ARFGEF1: variants seen among roughly 807,000 people sequenced by gnomAD.
ARFGEF1 encodes brefeldin A-inhibited guanine nucleotide-exchange protein 1.
Under a neutral mutation model 231.0 loss-of-function variants are expected in ARFGEF1, and 42 were observed. The observed-to-expected ratio is 0.18, with a 90% CI of 0.14 to 0.24. The LOEUF (loss-of-function observed/expected upper bound fraction) is 0.24, where lower values mean the gene tolerates loss of function less well. ARFGEF1 is among the 10% of genes least tolerant of loss of function. ARFGEF1 has a pLI of 1.00. For missense variants in ARFGEF1, 1,345 were observed against 2,192.0 expected (o/e 0.61, Z 7.72); for synonymous variants, 710 against 732.3 (o/e 0.97, Z 0.49).
chr8:67,202,688 G>C (rs769383630), intron 36 of ARFGEF1, among the ~76,000 whole-genome samples: 15 of 152,122 alleles, frequency 9.9e-5, no homozygotes, highest in Non-Finnish European at 1.9e-4. Flanking sequence ...TTCACTCTGA[G>C]CTCTGGCCAC....
intron 22 of ARFGEF1, among the ~76,000 whole-genome samples, chr8:67,233,249 A>G (rs1399734793): frequency 6.6e-6 from 1 of 151,962 alleles, no homozygotes; most frequent in Non-Finnish European, 1.5e-5. Flanking sequence ...TTAATGTTTA[A>G]AGAAATGCAG....
At chr8:67,237,027 T>C (rs978674605) in intron 22 of ARFGEF1, among the ~76,000 whole-genome samples, 1 of 152,230 alleles carries the variant, frequency 6.6e-6, no homozygotes, top group Admixed American at 6.5e-5. Flanking sequence ...GTAGTCCTAC[T>C]TGCCAAAACT....
intron 14 of ARFGEF1, 127 bp downstream of exon 14, chr8:67,265,879 C>T (rs1366772954): frequency 1.3e-5 from 11 of 843,482 alleles, no homozygotes; most frequent in African/African-American, 5.1e-5. Flanking sequence ...ATAGGAGCCT[C>T]GTGAATTAGA....
At position 67,228,045 on chromosome 8, in the gene ARFGEF1, A is replaced by G; in HGVS notation, c.3509T>C (p.Val1170Ala). ...HPRMFSLQKIVEISYYNMGRI... is the reference protein window; with the variant it reads ...HPRMFSLQKIAEISYYNMGRI... ...TCCCATGTTGTAATATGATATTTCT[A>G]CTATTTTTTGTAGACTAAACATTCT... The change falls in exon 25 of 39, where the codon GTA becomes GCA. Residue 1170 changes from valine (V) to alanine (A), a missense_variant. By Grantham distance (64) the Val-to-Ala change is moderately conservative. This residue lies in a region of ARFGEF1 where 146 missense variants were observed against 321.4 expected (regional missense o/e 0.45). Transcript: ENST00000262215. The G allele has an allele frequency of 6.2e-7, 1 of 1,608,234 alleles. No individual in the cohort carries two copies. The highest frequency in any genetic ancestry group is 1.1e-5 in the South Asian group (1 of 89,808).
chr8:67,251,416 A>G lies in ARFGEF1; in HGVS notation c.2733T>C (p.Tyr911=). Residue 911 remains tyrosine (Y), a synonymous_variant, in exon 19 of 39, where the codon TAT becomes TAC. Coordinates refer to ENST00000262215, the MANE Select transcript of ARFGEF1 (RefSeq NM_006421.5). ...TGGCCATCTGCTCCATTTCTAAGTT[A>G]TACAGAAGTCTTCTTTGTTTTTCAC... ...VASEKQRRLL[Y]NLEMEQMAKT... The G allele has an allele frequency of 6.2e-7, 1 of 1,609,080 alleles. No individual in the cohort carries two copies. Among genetic ancestry groups the G allele is most frequent in the Non-Finnish European group, 8.5e-7 (1 of 1,177,350 alleles).
At chr8:67,179,912 A>G in intron 5 of ARFGEF1, 1 of 1,572,332 alleles carries the variant, frequency 6.4e-7, no homozygotes, top group South Asian at 1.1e-5. Flanking sequence ...TTGGAATCTG[A>G]TAGTGCTTTT....
In ARFGEF1 at chr8:67,258,321, TTTTC is replaced by T. The variant is rs775641720; in HGVS notation, c.2236-35_2236-32del. ...GTAAAAACAGAGATAGAAATTGATATTTTCTTTCTTTTTTTTTTTTTTGAGACAG... is the reference window on the plus strand; with the variant it reads ...GTAAAAACAGAGATAGAAATTGATATTTTCTTTTTTTTTTTTTTGAGACAG... On this transcript the variant is annotated intron_variant, in intron 15 of 38. Transcript: ENST00000262215. 2.6e-5 allele frequency: 38 copies of T among 1,448,950 alleles called. No individual in the cohort carries two copies. The South Asian group carries it at 3.5e-4, about 13-fold the overall frequency. The allele number at this position is 1,448,950 out of a possible 1,614,324, so 89.8% of individuals were successfully genotyped here.
At position 67,211,594 on chromosome 8, in the gene ARFGEF1, C is replaced by T. The variant is rs1292257643; in HGVS notation, c.4708G>A (p.Val1570Ile). 1 of 1,519,342 alleles carries T rather than the reference C, an allele frequency of 6.6e-7. No individual in the cohort carries two copies. Among genetic ancestry groups the T allele is most frequent in the Non-Finnish European group, 8.9e-7 (1 of 1,124,418 alleles). 94.1% of individuals were successfully genotyped at this position (1,519,342 alleles called of 1,614,324 possible). A position where few individuals can be genotyped will look rare whatever the true frequency, so the allele number is the denominator to read the frequency against. Residue 1570 changes from valine (V) to isoleucine (I), a missense_variant, in exon 34 of 39, where the codon GTA becomes ATA. This residue lies in a region of ARFGEF1 where 89 missense variants were observed against 74.8 expected (regional missense o/e 1.19). Transcript: ENST00000262215. ...KPLDTISQKS[V>I]DIHDSIQPRS... ...GGTTGAATAGAATCATGAATATCTA[C>T]AGACTTCTGTGATATTGTATCCTAA...
chr8:67,235,666 A>G (rs773691529), intron 22 of ARFGEF1, among the ~76,000 whole-genome samples: 5 of 152,154 alleles, frequency 3.3e-5, no homozygotes, highest in Non-Finnish European at 5.9e-5. Flanking sequence ...GGAAAAAAAC[A>G]TAGTGAAAGC....
chr8:67,310,969 G>GGGGTCAGCT (rs775125363), intron 1 of ARFGEF1, among the ~76,000 whole-genome samples: 7 of 4,590 alleles, frequency 1.5e-3, no homozygotes, highest in African/African-American at 3.0e-3. Context: ...GGGAGGTGGG[G>GGGGTCAGCT]CCCGGGAGGG....
intron 1 of ARFGEF1, among the ~76,000 whole-genome samples, chr8:67,321,621 C>T (rs554466040): frequency 3.3e-5 from 5 of 152,116 alleles, no homozygotes; most frequent in African/African-American, 4.8e-5. Context: ...CCACCACGCC[C>T]GGCTATTTTT....
chr8:67,273,331 C>A (rs1429970408), intron 9 of ARFGEF1, among the ~76,000 whole-genome samples: 1 of 148,438 alleles, frequency 6.7e-6, no homozygotes, highest in South Asian at 2.1e-4. Flanking sequence ...ATCTCTTAAG[C>A]CCAACAGACC....
intron 1 of ARFGEF1, among the ~76,000 whole-genome samples, chr8:67,332,728 A>G (rs144154589): frequency 6.6e-6 from 1 of 152,170 alleles, no homozygotes; most frequent in Non-Finnish European, 1.5e-5. Flanking sequence ...ATTGTTACTT[A>G]CAAACATGTA....
chr8:67,206,425 A>AT (rs1312948125), intron 34 of ARFGEF1, among the ~76,000 whole-genome samples: 11 of 151,634 alleles, frequency 7.3e-5, no homozygotes. Flanking sequence ...AAAAAAAAAA[A>AT]AAAAAAAAAG....
intron 1 of ARFGEF1, among the ~76,000 whole-genome samples, chr8:67,341,185 A>G (rs1463514967): frequency 1.3e-5 from 2 of 152,138 alleles, no homozygotes; most frequent in Admixed American, 6.6e-5. Flanking sequence ...TTATGTTACT[A>G]CTTTGGAGAA....
At chr8:67,223,726 A>T (rs117194046) in intron 29 of ARFGEF1, among the ~76,000 whole-genome samples, 4,666 of 152,194 alleles carry the variant, frequency 0.031, 184 homozygotes, top group Admixed American at 0.1. Context: ...ATCCTCCATC[A>T]AACAGACTTC....
intron 5 of ARFGEF1, among the ~76,000 whole-genome samples, chr8:67,192,089 T>TTGA (rs1836478142): frequency 6.6e-6 from 1 of 151,572 alleles, no homozygotes; most frequent in African/African-American, 2.4e-5. Flanking sequence ...TTTTTTTTTT[T>TTGA]TGATACAGAG....
At chr8:67,287,925 A>G in intron 7 of ARFGEF1, 30 bp downstream of exon 7, 1 of 1,461,120 alleles carries the variant, frequency 6.8e-7, no homozygotes, top group Non-Finnish European at 9.3e-7. Flanking sequence ...CCATAGACAG[A>G]GTAAAATAAT....
At chr8:67,179,764 G>A in intron 5 of ARFGEF1, 1 of 768,026 alleles carries the variant, frequency 1.3e-6, no homozygotes, top group Non-Finnish European at 2.2e-6. Context: ...TCTGCTTTTA[G>A]GGAGAACAGT....
Sources: allele counts gnomAD v4.1 joint callset (sites outside exome capture counted in the v4.1 genomes callset), GRCh38; gene constraint gnomAD v4.1.1; regional missense constraint gnomAD v4.1.1; transcripts MANE v1.5; gene names NCBI Gene and HGNC (gene_info 2026-07-23, HGNC 2026-07-21).